Variants in PPHLN1 observed in about 807,000 individuals in gnomAD.
PPHLN1 encodes periphilin 1.
Under a neutral mutation model 51.3 loss-of-function variants are expected in PPHLN1, and 29 were observed. The observed-to-expected ratio is 0.57, with a 90% confidence interval of 0.42 to 0.77. The LOEUF is 0.77. Ranked by LOEUF, PPHLN1 falls within the 30% of genes least tolerant of loss-of-function variation. The probability of loss-of-function intolerance (pLI) is 0.00; values close to 1 mark genes in which losing one functional copy is unlikely to be tolerated. For missense variants in PPHLN1, 436 were observed against 438.4 expected (o/e 0.99, Z 0.05); for synonymous variants, 147 against 147.8 (o/e 0.99, Z 0.04).
chr12:42,376,760 C>T lies in PPHLN1; in HGVS notation c.511+1686C>T, dbSNP rs141223852. Among the ~76,000 whole-genome samples, 825 of 152,224 alleles carry T rather than the reference C, an allele frequency of 5.4e-3. 3 individuals are homozygous for T. Among genetic ancestry groups the T allele is most frequent in the Non-Finnish European group, 8.7e-3 (591 of 68,002 alleles). The stretch of plus-strand genomic sequence containing the variant: ...CTGTGATCACGCCACTGCACTCTAA[C>T]CTGGGCAACAGAACGAGACTATGTC... On this transcript the variant is annotated intron_variant, in intron 5 of 9. Transcript: ENST00000358314.
intron 7 of PPHLN1, among the ~76,000 whole-genome samples, chr12:42,389,141 G>C (rs1262430120): frequency 6.6e-6 from 1 of 152,110 alleles, no homozygotes; most frequent in Non-Finnish European, 1.5e-5. Flanking sequence ...GGGAGGCCGA[G>C]GCAGGCGGAT....
chr12:42,331,086 T>A (rs565862839), intron 1 of PPHLN1, among the ~76,000 whole-genome samples: 1 of 152,346 alleles, frequency 6.6e-6, no homozygotes, highest in Non-Finnish European at 1.5e-5. Flanking sequence ...TCTCTTTCTT[T>A]TCCCCACATC....
At chr12:42,334,899 C>T (rs2070354498) in intron 1 of PPHLN1, among the ~76,000 whole-genome samples, 3 of 152,200 alleles carry the variant, frequency 2.0e-5, no homozygotes, top group Admixed American at 2.0e-4. Flanking sequence ...CACACTTATA[C>T]ATTTATGTGT....
chr12:42,344,958 C>G (rs1242300653), intron 2 of PPHLN1, among the ~76,000 whole-genome samples: 1 of 151,980 alleles, frequency 6.6e-6, no homozygotes, highest in East Asian at 1.9e-4. Flanking sequence ...TGATCTGCCC[C>G]CCTCAGCCTC....
chr12:42,355,468 G>A, intron 4 of PPHLN1: 1 of 361,046 alleles, frequency 2.8e-6, no homozygotes, highest in Non-Finnish European at 5.1e-6. Flanking sequence ...CTGGTGCGGT[G>A]GCTCACACTG....
chr12:42,406,930 A>G (rs1214046034), intron 9 of PPHLN1, among the ~76,000 whole-genome samples: 2 of 152,116 alleles, frequency 1.3e-5, no homozygotes, highest in Non-Finnish European at 2.9e-5. Context: ...TTGGACATCA[A>G]TTTGACCCCA....
chr12:42,366,103 A>G (rs555362929), intron 4 of PPHLN1, among the ~76,000 whole-genome samples: 101 of 152,172 alleles, frequency 6.6e-4, no homozygotes, highest in Non-Finnish European at 1.1e-3. Flanking sequence ...TCTATTTAGC[A>G]TGCTTCAGGG....
At chr12:42,442,604 G>C (rs2083054680), downstream of PPHLN1, 1 of 1,612,802 alleles carries the variant, frequency 6.2e-7, no homozygotes, top group African/African-American at 1.3e-5. Flanking sequence ...CAAAATACCT[G>C]CGTCTGAATA....
At chr12:42,421,246 G>A (rs187851187) in intron 9 of PPHLN1, among the ~76,000 whole-genome samples, 2 of 152,242 alleles carry the variant, frequency 1.3e-5, no homozygotes, top group Admixed American at 6.5e-5. Flanking sequence ...TAATGGAGGA[G>A]GTAGGAAGGA....
chr12:42,386,715 T>C (rs771670983), intron 6 of PPHLN1, among the ~76,000 whole-genome samples: 2 of 152,264 alleles, frequency 1.3e-5, no homozygotes, highest in Non-Finnish European at 2.9e-5. Context: ...AACAGCTCAC[T>C]GTTATTAATT....
At chr12:42,389,092 G>T (rs7308709) in intron 7 of PPHLN1, among the ~76,000 whole-genome samples, 1 of 152,052 alleles carries the variant, frequency 6.6e-6, no homozygotes, top group Non-Finnish European at 1.5e-5. Flanking sequence ...CAAAGAATTG[G>T]CTGGGTGTGG....
chr12:42,364,084 C>T (rs1229086199), intron 4 of PPHLN1, among the ~76,000 whole-genome samples: 1 of 151,936 alleles, frequency 6.6e-6, no homozygotes, highest in African/African-American at 2.4e-5. Flanking sequence ...ATTAGCCAGG[C>T]ATGGTGGCAC....
chr12:42,414,583 C>T (rs1039570698), intron 9 of PPHLN1, among the ~76,000 whole-genome samples: 2 of 152,026 alleles, frequency 1.3e-5, no homozygotes, highest in Non-Finnish European at 2.9e-5. Context: ...TCAGCTTGGT[C>T]GTTGTTGGTG....
chr12:42,333,032 TC>T (rs1305135895), intron 1 of PPHLN1, among the ~76,000 whole-genome samples: 1 of 152,192 alleles, frequency 6.6e-6, no homozygotes, highest in Non-Finnish European at 1.5e-5. Flanking sequence ...TACCTAGTTC[TC>T]CCCAGAGGCA....
intron 9 of PPHLN1, among the ~76,000 whole-genome samples, chr12:42,428,861 CAG>C (rs2081764811): frequency 6.9e-6 from 1 of 145,358 alleles, no homozygotes; most frequent in South Asian, 2.2e-4. Context: ...TTCTAAGTGA[CAG>C]ATATCGTTTA....
rs555521415 is a variant in PPHLN1 at position 42,371,684 on chromosome 12, G to A, written c.300-3179G>A. Among the ~76,000 whole-genome samples the A allele has an allele frequency of 9.9e-5, 15 of 152,168 alleles. No individual in the cohort carries two copies. In the East Asian group the frequency reaches 1.9e-3, roughly 20 times the overall value. On this transcript the variant is annotated intron_variant, in intron 4 of 9. Coordinates refer to ENST00000358314, the MANE Select transcript of PPHLN1 (RefSeq NM_201439.2). ...GTACCTTTTGAGCACTTGAAATATCGTCAGGTTAGACTGAAATATTCTGTA... is the reference window on the plus strand; with the variant it reads ...GTACCTTTTGAGCACTTGAAATATCATCAGGTTAGACTGAAATATTCTGTA...
At position 42,441,091 on chromosome 12, in the gene PPHLN1, T is replaced by C. The variant is rs541539607; in HGVS notation, c.910-224T>C. On this transcript the variant is annotated intron_variant, in intron 9 of 9. Coordinates refer to ENST00000358314, the MANE Select transcript of PPHLN1 (RefSeq NM_201439.2). ...CAAACTTCTATATTCAGTAATGTAG[T>C]TTGTTAATGTTTTCCTTCTCATTCA... 2.0e-5 allele frequency among the ~76,000 whole-genome samples: 3 copies of C among 152,322 alleles called. No homozygotes were observed. The South Asian group carries it at 6.2e-4, about 32-fold the overall frequency.
intron 9 of PPHLN1, among the ~76,000 whole-genome samples, chr12:42,411,013 A>G (rs115089344): frequency 1.2e-3 from 178 of 152,180 alleles, no homozygotes; most frequent in African/African-American, 4.2e-3. Flanking sequence ...CGCCTTCTCT[A>G]TCTGAGAGTT....
intron 5 of PPHLN1, among the ~76,000 whole-genome samples, chr12:42,383,451 A>T (rs1223299604): frequency 6.6e-6 from 1 of 152,250 alleles, no homozygotes; most frequent in East Asian, 1.9e-4. Flanking sequence ...AACACTTAAT[A>T]AAATAGGATT....
Sources: allele counts gnomAD v4.1 joint callset (sites outside exome capture counted in the v4.1 genomes callset), GRCh38; gene constraint gnomAD v4.1.1; transcripts MANE v1.5; gene names NCBI Gene and HGNC (gene_info 2026-07-23, HGNC 2026-07-21).